PRRG2: variants seen among roughly 807,000 people sequenced by gnomAD.
PRRG2 encodes transmembrane gamma-carboxyglutamic acid protein 2.
In PRRG2, 23 loss-of-function variants were observed where a neutral mutation model predicts 27.1. The observed-to-expected ratio is 0.85, with a 90% CI of 0.61 to 1.20. The LOEUF (loss-of-function observed/expected upper bound fraction) is 1.20. Ranked by LOEUF, PRRG2 falls within the 50% of genes most tolerant of loss-of-function variation. PRRG2 has a pLI of 0.00. For synonymous variants in PRRG2, 104 were observed against 103.4 expected (o/e 1.01, Z -0.03); for missense variants, 276 against 254.8 (o/e 1.08, Z -0.57).
intron 1 of PRRG2, among the ~76,000 whole-genome samples, chr19:49,582,334 G>A (rs951947695): frequency 1.3e-5 from 2 of 151,560 alleles, no homozygotes; most frequent in Non-Finnish European, 1.5e-5. Flanking sequence ...GGAGTGCAGT[G>A]GCACAGTCTC....
intron 4 of PRRG2, among the ~76,000 whole-genome samples, chr19:49,585,096 C>T (rs2122240116): frequency 6.6e-6 from 1 of 152,290 alleles, no homozygotes; most frequent in East Asian, 1.9e-4. Flanking sequence ...CGGGGCCTGG[C>T]CAGGCCAGAC....
chr19:49,588,913 G>A (rs1033895591), intron 5 of PRRG2, among the ~76,000 whole-genome samples: 2 of 152,018 alleles, frequency 1.3e-5, no homozygotes, highest in African/African-American at 2.4e-5. Context: ...GTGGAATTAC[G>A]ACTCTGGATA....
Position 49,590,471 on chromosome 19 carries a change from C to A in PRRG2, c.*82C>A. On this transcript the variant is annotated 3_prime_UTR_variant, in exon 7 of 7. Transcript: ENST00000246794. ...CGGAAGCCGCTAGGCCTCATAGACG[C>A]CGAAGCTGGACTTGGAGTGGGGAAT... 6.3e-7 allele frequency: 1 copy of A among 1,582,560 alleles called. No homozygotes were observed. Among genetic ancestry groups the A allele is most frequent in the Non-Finnish European group, 8.7e-7 (1 of 1,154,712 alleles).
intron 6 of PRRG2, 149 bp downstream of exon 6, chr19:49,590,201 C>G: frequency 5.6e-6 from 8 of 1,416,090 alleles, no homozygotes; most frequent in South Asian, 2.4e-5. Flanking sequence ...ATGCAATGGT[C>G]TAGGGGCGTG....
At position 49,590,528 on chromosome 19, in the gene PRRG2, T is replaced by C. The variant is rs2080712948; in HGVS notation, c.*139T>C. 1.6e-6 allele frequency: 2 copies of C among 1,225,904 alleles called. No homozygotes were observed. Among genetic ancestry groups the C allele is most frequent in the Non-Finnish European group, 2.3e-6 (2 of 857,852 alleles). 75.9% of individuals were successfully genotyped at this position (1,225,904 alleles called of 1,614,324 possible). A position where few individuals can be genotyped will look rare whatever the true frequency, so the allele number is the denominator to read the frequency against. On this transcript the variant is annotated 3_prime_UTR_variant, in exon 7 of 7. Coordinates refer to ENST00000246794, the MANE Select transcript of PRRG2 (RefSeq NM_000951.3). ...AGTAGGGGTCATCCGGCCCGAGGCC[T>C]GCCCTGGCACACGCGTTTCCGCCGC...
rs1050713790 is a variant in PRRG2, at chr19:49,584,209, T to C, written c.301+257T>C. On this transcript the variant is annotated intron_variant, in intron 4 of 6. Coordinates refer to ENST00000246794, the MANE Select transcript of PRRG2 (RefSeq NM_000951.3). ...TTTTTGAGACAGAGTCTCGCTCTGT[T>C]GCCCAGGCCGGAGTGCAATGGTGCG... Among the ~76,000 whole-genome samples the C allele has an allele frequency of 4.0e-5, 6 of 151,582 alleles. No individual in the cohort carries two copies. The East Asian group carries it at 5.8e-4, about 15-fold the overall frequency.
In PRRG2 at chr19:49,590,702, C is replaced by G; in HGVS notation, c.*313C>G. Reference sequence around the variant, plus strand: ...AAATTCGGACCCAGGAGCCCAGCCCCGGCTGTGCCATCTTGTGTATGGGCA... The same window carrying G: ...AAATTCGGACCCAGGAGCCCAGCCCGGGCTGTGCCATCTTGTGTATGGGCA... On this transcript the variant is annotated 3_prime_UTR_variant, in exon 7 of 7. Coordinates refer to ENST00000246794, the MANE Select transcript of PRRG2 (RefSeq NM_000951.3). The G allele has an allele frequency of 4.3e-6, 2 of 468,130 alleles. No individual in the cohort carries two copies. The highest frequency in any genetic ancestry group is 4.9e-5 in the South Asian group (2 of 40,868). 29.0% of individuals were successfully genotyped at this position (468,130 alleles called of 1,614,324 possible). A position where few individuals can be genotyped will look rare whatever the true frequency, so the allele number is the denominator to read the frequency against.
chr19:49,587,964 GT>G (rs111544199), intron 4 of PRRG2, among the ~76,000 whole-genome samples: 57,630 of 150,412 alleles, frequency 0.38, 14,156 homozygotes, highest in African/African-American at 0.7. Flanking sequence ...TGTTTGTTTT[GT>G]TTTTTTTTAT....
intron 5 of PRRG2, among the ~76,000 whole-genome samples, chr19:49,589,446 T>C (rs11670046): frequency 1.6e-4 from 19 of 116,840 alleles, no homozygotes; most frequent in Non-Finnish European, 3.0e-4. Context: ...TTTTTTTTTT[T>C]AAAAAAAGAC....
chr19:49,586,094 A>C (rs2080667240), intron 4 of PRRG2, among the ~76,000 whole-genome samples: 4 of 151,234 alleles, frequency 2.6e-5, no homozygotes, highest in Non-Finnish European at 4.4e-5. Flanking sequence ...AAAAAAAAAA[A>C]AAACAAGGAA....
intron 1 of PRRG2, among the ~76,000 whole-genome samples, chr19:49,582,588 G>A (rs1260886625): frequency 1.3e-5 from 2 of 151,996 alleles, no homozygotes; most frequent in African/African-American, 4.8e-5. Context: ...CCAACATGGT[G>A]AAACCCCATC....
chr19:49,590,607 G>C lies in PRRG2; in HGVS notation c.*218G>C. The C allele has an allele frequency of 1.6e-6, 1 of 635,126 alleles. No homozygotes were observed. Among genetic ancestry groups the C allele is most frequent in the Non-Finnish European group, 2.7e-6 (1 of 369,748 alleles). The allele number at this position is 635,126 out of a possible 1,614,324, so 39.3% of individuals were successfully genotyped here. On this transcript the variant is annotated 3_prime_UTR_variant, in exon 7 of 7. Transcript: ENST00000246794. Reference sequence around the variant, plus strand: ...GTGTTCCCGTGTCCTGGCCCCTCACGGGCCCCCACACTCTCCTGACCGTGA... The same window carrying C: ...GTGTTCCCGTGTCCTGGCCCCTCACCGGCCCCCACACTCTCCTGACCGTGA...
chr19:49,586,610 T>C (rs2080671823), intron 4 of PRRG2, among the ~76,000 whole-genome samples: 1 of 151,870 alleles, frequency 6.6e-6, no homozygotes, highest in African/African-American at 2.4e-5. Flanking sequence ...CCCAGCACTT[T>C]GGGAGGCCAA....
At chr19:49,581,286 C>T (rs927900693), upstream of PRRG2, 2 of 152,174 alleles carry the variant, frequency 1.3e-5, no homozygotes, top group Non-Finnish European at 2.9e-5. Context: ...TTGTCCCTTA[C>T]CTGAGTCCCG....
At chr19:49,587,176 T>C (rs1404425093) in intron 4 of PRRG2, among the ~76,000 whole-genome samples, 1 of 151,614 alleles carries the variant, frequency 6.6e-6, no homozygotes, top group Non-Finnish European at 1.5e-5. Context: ...TTTTTTTTTT[T>C]GGTAGAGCCT....
In PRRG2 at chr19:49,589,885, C is replaced by G; in HGVS notation, c.438-15C>G. 2 of 1,613,282 alleles carry G rather than the reference C, an allele frequency of 1.2e-6. No homozygotes were observed. The highest frequency in any genetic ancestry group is 1.7e-6 in the Non-Finnish European group (2 of 1,179,832). The stretch of plus-strand genomic sequence containing the variant: ...TGTAAGTTGCCTCTGCTAACTGTAC[C>G]TTTGCTGTCCCCAGGGCCGGGCTCA... On this transcript the variant is annotated splice_polypyrimidine_tract_variant and intron_variant, in intron 5 of 6. Transcript: ENST00000246794.
At chr19:49,581,159 G>A (rs936298461), upstream of PRRG2, among the ~76,000 whole-genome samples, 2 of 152,130 alleles carry the variant, frequency 1.3e-5, no homozygotes, top group African/African-American at 4.8e-5. Flanking sequence ...GGTAGGGGTC[G>A]GGAGGGAGGA....
intron 5 of PRRG2, among the ~76,000 whole-genome samples, chr19:49,589,106 C>CCT (rs2080694183): frequency 1.3e-5 from 2 of 149,658 alleles, no homozygotes; most frequent in Non-Finnish European, 3.0e-5. Flanking sequence ...TGTTGGCCTG[C>CCT]CTCTCTACAG....
chr19:49,587,932 GT>G (rs993272505), intron 4 of PRRG2, among the ~76,000 whole-genome samples: 2 of 143,376 alleles, frequency 1.4e-5, no homozygotes, highest in African/African-American at 5.7e-5. Flanking sequence ...ACATAGTTTT[GT>G]TTTTTTGGTT....
Sources: allele counts gnomAD v4.1 joint callset (sites outside exome capture counted in the v4.1 genomes callset), GRCh38; gene constraint gnomAD v4.1.1; transcripts MANE v1.5; gene names NCBI Gene and HGNC (gene_info 2026-07-23, HGNC 2026-07-21).